The following MAP4K3 variants were observed in gnomAD, a reference collection of about 807,000 sequenced individuals.
The protein encoded by MAP4K3 is mitogen-activated protein kinase kinase kinase kinase 3.
A neutral mutation model predicts 143.5 loss-of-function variants in MAP4K3; 94 were observed. That is an observed-to-expected ratio of 0.65 (90% confidence interval 0.55 to 0.78). The LOEUF is 0.78. Ranked by LOEUF, MAP4K3 falls within the 30% of genes least tolerant of loss-of-function variation. The probability of loss-of-function intolerance (pLI) is 0.00; values close to 1 mark genes in which losing one functional copy is unlikely to be tolerated. For synonymous variants in MAP4K3, 416 were observed against 347.2 expected (o/e 1.20, Z -2.20); for missense variants, 1,077 against 1,068.1 (o/e 1.01, Z -0.12).
intron 23 of MAP4K3, 73 bp from the exon 24 acceptor site, chr2:39,278,559 C>A: frequency 1.2e-6 from 1 of 810,926 alleles, no homozygotes. Context: ...ATAATCTAAA[C>A]TTCCGTAAAT....
intron 4 of MAP4K3, among the ~76,000 whole-genome samples, chr2:39,341,681 G>A (rs931576997): frequency 6.6e-5 from 10 of 151,314 alleles, no homozygotes; most frequent in African/African-American, 2.4e-4. Flanking sequence ...TCAGCAAAAG[G>A]GAAATTAAAC....
intron 4 of MAP4K3, among the ~76,000 whole-genome samples, chr2:39,338,904 C>T (rs1163283099): frequency 6.6e-6 from 1 of 152,160 alleles, no homozygotes; most frequent in Non-Finnish European, 1.5e-5. Flanking sequence ...CTTGCACTTC[C>T]CAGCCTCCAG....
At chr2:39,416,963 C>T (rs1667398514) in intron 1 of MAP4K3, among the ~76,000 whole-genome samples, 1 of 152,132 alleles carries the variant, frequency 6.6e-6, no homozygotes, top group Non-Finnish European at 1.5e-5. Context: ...ATTAAAGTTC[C>T]TACAACATAG....
At chr2:39,428,825 C>T (rs1253870420) in intron 1 of MAP4K3, among the ~76,000 whole-genome samples, 1 of 150,496 alleles carries the variant, frequency 6.6e-6, no homozygotes, top group Admixed American at 6.6e-5. Flanking sequence ...ATCCCAGCAC[C>T]TTGGGAGGCT....
At chr2:39,290,726 T>A (rs1682007881) in intron 18 of MAP4K3, among the ~76,000 whole-genome samples, 1 of 152,204 alleles carries the variant, frequency 6.6e-6, no homozygotes, top group South Asian at 2.1e-4. Context: ...TGTAAATACT[T>A]ACAGTATGTA....
intron 26 of MAP4K3, chr2:39,267,471 G>C (rs1680813255): frequency 6.6e-6 from 3 of 453,812 alleles, no homozygotes; most frequent in East Asian, 7.9e-5. Flanking sequence ...AAGACTTCGA[G>C]ACCAGCCTGG....
intron 1 of MAP4K3, among the ~76,000 whole-genome samples, chr2:39,387,031 C>T (rs985380311): frequency 6.6e-6 from 1 of 152,062 alleles, no homozygotes; most frequent in East Asian, 1.9e-4. Context: ...CCAGGCTCAT[C>T]GCCAACTCCT....
At chr2:39,342,126 T>G (rs1665160033) in intron 4 of MAP4K3, among the ~76,000 whole-genome samples, 1 of 146,434 alleles carries the variant, frequency 6.8e-6, no homozygotes, top group South Asian at 2.2e-4. Context: ...ATTATTATTA[T>G]TATTATTATT....
intron 1 of MAP4K3, among the ~76,000 whole-genome samples, chr2:39,381,443 T>G (rs549726784): frequency 6.6e-6 from 1 of 152,362 alleles, no homozygotes; most frequent in South Asian, 2.1e-4. Context: ...GCTTTCATTT[T>G]CTTATGGGTA....
At chr2:39,345,635 G>C (rs1039156764) in intron 3 of MAP4K3, among the ~76,000 whole-genome samples, 3 of 152,036 alleles carry the variant, frequency 2.0e-5, no homozygotes, top group East Asian at 1.9e-4. Context: ...GCTAAAAAGA[G>C]TGGGCCAGAT....
intron 1 of MAP4K3, among the ~76,000 whole-genome samples, chr2:39,427,179 G>A (rs956159876): frequency 2.0e-5 from 3 of 151,898 alleles, no homozygotes; most frequent in African/African-American, 7.2e-5. Context: ...TCTTCAAAGT[G>A]CTGAGAAAAA....
intron 8 of MAP4K3, among the ~76,000 whole-genome samples, chr2:39,327,692 C>T (rs1171700386): frequency 1.3e-5 from 2 of 152,158 alleles, no homozygotes; most frequent in South Asian, 2.1e-4. Flanking sequence ...AAATCTGAAA[C>T]AGATCTTATG....
At chr2:39,363,961 T>C (rs1320761674) in intron 2 of MAP4K3, among the ~76,000 whole-genome samples, 4 of 141,072 alleles carry the variant, frequency 2.8e-5, no homozygotes, top group East Asian at 2.1e-4. Flanking sequence ...AAAAACATAA[T>C]GTCACTTCTC....
chr2:39,346,277 G>A (rs898065486), intron 3 of MAP4K3, among the ~76,000 whole-genome samples: 2 of 152,142 alleles, frequency 1.3e-5, no homozygotes, highest in African/African-American at 4.8e-5. Flanking sequence ...ACATTAAACT[G>A]CTAGTTTACT....
chr2:39,326,226 G>T lies in MAP4K3; in HGVS notation c.582C>A (p.Leu194=). ...TGATTCCCACTGCCCAGAGATCACA[G>T]AGTTGATTGTAACCCCCCTTCCTCT... ...AVERKGGYNQ[L]CDLWAVGITA... Residue 194 remains leucine (L), a synonymous_variant, in exon 9 of 34, where the codon CTC becomes CTA. Transcript: ENST00000263881. 1 of 1,613,938 alleles carries T rather than the reference G, an allele frequency of 6.2e-7. No individual in the cohort carries two copies. Among genetic ancestry groups the T allele is most frequent in the African/African-American group, 1.3e-5 (1 of 75,020 alleles).
chr2:39,268,275 T>C (rs1680854620), intron 26 of MAP4K3, among the ~76,000 whole-genome samples: 1 of 152,174 alleles, frequency 6.6e-6, no homozygotes. Flanking sequence ...CATCAAATTG[T>C]AAAAACCTCA....
chr2:39,295,715 GTTT>G (rs56299783), intron 16 of MAP4K3, among the ~76,000 whole-genome samples: 8 of 98,540 alleles, frequency 8.1e-5, no homozygotes, highest in Middle Eastern at 5.8e-3. Context: ...CGCATTCCAT[GTTT>G]TTTTTTTTTT....
At position 39,250,461 on chromosome 2, in the gene MAP4K3, T is replaced by A. The variant is rs3770679; in HGVS notation, c.*157A>T. On this transcript the variant is annotated 3_prime_UTR_variant, in exon 34 of 34. Transcript: ENST00000263881. ...AATATGCTAAATATATCCATACCAC[T>A]TAAAACAAAATTTTCCCCATCTTAT... 1,590 of 647,388 alleles carry A rather than the reference T, an allele frequency of 2.5e-3. 24 individuals carry two copies. The East Asian group carries it at 0.03, about 12-fold the overall frequency. 40.1% of individuals were successfully genotyped at this position (647,388 alleles called of 1,614,324 possible). A position where few individuals can be genotyped will look rare whatever the true frequency, so the allele number is the denominator to read the frequency against.
chr2:39,331,279 T>C (rs1467854548), intron 8 of MAP4K3, among the ~76,000 whole-genome samples: 1 of 152,184 alleles, frequency 6.6e-6, no homozygotes, highest in Non-Finnish European at 1.5e-5. Flanking sequence ...ATCATCATAC[T>C]GCTTAATATC....
Sources: allele counts gnomAD v4.1 joint callset (sites outside exome capture counted in the v4.1 genomes callset), GRCh38; gene constraint gnomAD v4.1.1; transcripts MANE v1.5; gene names NCBI Gene and HGNC (gene_info 2026-07-23, HGNC 2026-07-21).